The following TRDN variants were observed in gnomAD, a reference collection of about 807,000 sequenced individuals.
The protein encoded by TRDN is triadin in skeletal muscle.
A neutral mutation model predicts 149.7 loss-of-function variants in TRDN; 161 were observed. The ratio of observed to expected loss-of-function variants is 1.08; its 90% CI spans 0.95 to 1.23. The LOEUF is 1.23. TRDN is among the 50% of genes most tolerant of loss of function. The pLI is 0.00. For synonymous variants in TRDN, 294 were observed against 250.5 expected, an observed-to-expected ratio of 1.17 and a Z score of -1.64; for missense variants, 896 against 823.5, an observed-to-expected ratio of 1.09 and a Z score of -1.08.
At chr6:123,356,325 T>C (rs868684750) in intron 20 of TRDN, among the ~76,000 whole-genome samples, 12 of 151,514 alleles carry the variant, frequency 7.9e-5, no homozygotes, top group Middle Eastern at 3.4e-3. Context: ...GTATCTACTA[T>C]GATGAATATA....
intron 9 of TRDN, among the ~76,000 whole-genome samples, chr6:123,480,839 A>G (rs569993120): frequency 6.6e-6 from 1 of 152,110 alleles, no homozygotes; most frequent in Non-Finnish European, 1.5e-5. Flanking sequence ...AATGCCTCCT[A>G]TCTCCTATCT....
intron 15 of TRDN, among the ~76,000 whole-genome samples, chr6:123,381,849 G>A (rs1192029060): frequency 6.6e-6 from 1 of 151,650 alleles, no homozygotes; most frequent in Non-Finnish European, 1.5e-5. Flanking sequence ...TCAATTTCTT[G>A]TTAAGTAAAC....
intron 1 of TRDN, among the ~76,000 whole-genome samples, chr6:123,628,609 A>G (rs1447769082): frequency 6.6e-6 from 1 of 152,204 alleles, no homozygotes; most frequent in African/African-American, 2.4e-5. Flanking sequence ...TCTTTGAAAA[A>G]TGCAATATCT....
chr6:123,488,228 A>G (rs1267333605), intron 9 of TRDN, among the ~76,000 whole-genome samples: 1 of 152,150 alleles, frequency 6.6e-6, no homozygotes. Flanking sequence ...TTATCATTGC[A>G]CTATATAGAT....
intron 38 of TRDN, among the ~76,000 whole-genome samples, chr6:123,246,743 A>G (rs1347267486): frequency 2.0e-5 from 3 of 151,766 alleles, no homozygotes; most frequent in Non-Finnish European, 2.9e-5. Flanking sequence ...TTTATAAGGT[A>G]TAAGGCCAGC....
intron 1 of TRDN, among the ~76,000 whole-genome samples, chr6:123,584,636 G>A (rs1054375448): frequency 1.3e-5 from 2 of 152,068 alleles, no homozygotes; most frequent in Non-Finnish European, 2.9e-5. Context: ...CTTGACTGAA[G>A]TAATGGGGGC....
chr6:123,405,004 T>C (rs1002886601), intron 12 of TRDN, among the ~76,000 whole-genome samples: 8 of 152,212 alleles, frequency 5.3e-5, no homozygotes, highest in Admixed American at 1.3e-4. Context: ...GTGGTTCTCA[T>C]AATATTAATA....
At chr6:123,541,227 T>C (rs909994213) in intron 4 of TRDN, among the ~76,000 whole-genome samples, 11 of 152,196 alleles carry the variant, frequency 7.2e-5, no homozygotes, top group Admixed American at 2.6e-4. Flanking sequence ...CCTCAGAGAC[T>C]CTTTTAATTC....
intron 1 of TRDN, among the ~76,000 whole-genome samples, chr6:123,571,576 T>G (rs1422945097): frequency 3.9e-5 from 6 of 152,120 alleles, no homozygotes; most frequent in Non-Finnish European, 7.4e-5. Flanking sequence ...CTATATCCAG[T>G]ACCTCTTTTA....
In TRDN at chr6:123,272,980, AAC is replaced by A. The variant is rs1014146108; in HGVS notation, c.1654_1655del (p.Val552PhefsTer4). The A allele has an allele frequency of 1.3e-6, 2 of 1,531,222 alleles. No homozygotes were observed. Among genetic ancestry groups the A allele is most frequent in the East Asian group, 2.4e-5 (1 of 41,062 alleles). The allele number at this position is 1,531,222 out of a possible 1,614,324, so 94.9% of individuals were successfully genotyped here. On this transcript the variant is annotated frameshift_variant, in exon 29 of 41. Coordinates refer to ENST00000334268, the MANE Select transcript of TRDN (RefSeq NM_006073.4). LOFTEE classifies it high-confidence loss of function. ...GCAAAATACCTGGTTTACCATGAGA[AAC>A]AGTCTTTTCTGGTTTCACTATGTCT... ...KQDIVKPEKT[V>X]SHGKPEEKVL...
chr6:123,304,451 A>G (rs1778537476), intron 24 of TRDN, among the ~76,000 whole-genome samples: 1 of 151,540 alleles, frequency 6.6e-6, no homozygotes, highest in African/African-American at 2.4e-5. Context: ...ATGCAGTTTC[A>G]CCATGTTGGC....
intron 12 of TRDN, among the ~76,000 whole-genome samples, chr6:123,409,342 A>C (rs1773336533): frequency 6.6e-6 from 1 of 152,194 alleles, no homozygotes; most frequent in Non-Finnish European, 1.5e-5. Context: ...AGATTCTCAA[A>C]AGCAATATGG....
intron 12 of TRDN, among the ~76,000 whole-genome samples, chr6:123,396,989 T>C (rs1241095158): frequency 6.6e-6 from 1 of 151,942 alleles, no homozygotes; most frequent in Non-Finnish European, 1.5e-5. Flanking sequence ...TAAAGAATAA[T>C]AGTATTGCTG....
At chr6:123,355,511 C>G (rs967002465) in intron 20 of TRDN, among the ~76,000 whole-genome samples, 1 of 151,620 alleles carries the variant, frequency 6.6e-6, no homozygotes, top group Non-Finnish European at 1.5e-5. Context: ...CTTGATTACT[C>G]CTGTAGGTTT....
At chr6:123,561,060 T>C (rs1781966520) in intron 2 of TRDN, among the ~76,000 whole-genome samples, 2 of 152,076 alleles carry the variant, frequency 1.3e-5, no homozygotes, top group Admixed American at 6.6e-5. Context: ...CTAAAATAAC[T>C]CTTGGTCTAG....
intron 6 of TRDN, among the ~76,000 whole-genome samples, chr6:123,515,571 G>A (rs904656424): frequency 1.3e-5 from 2 of 151,452 alleles, no homozygotes; most frequent in Non-Finnish European, 2.9e-5. Context: ...AAATAACATG[G>A]ATTATCTGGA....
At chr6:123,405,924 C>T (rs561067346) in intron 12 of TRDN, among the ~76,000 whole-genome samples, 4 of 152,194 alleles carry the variant, frequency 2.6e-5, no homozygotes, top group East Asian at 1.9e-4. Flanking sequence ...GGAAGCTTAA[C>T]GATAGTCCCT....
chr6:123,541,798 C>T (rs1228038043), intron 4 of TRDN, among the ~76,000 whole-genome samples: 2 of 152,026 alleles, frequency 1.3e-5, no homozygotes, highest in African/African-American at 4.8e-5. Flanking sequence ...TTTTTTCATG[C>T]ACCGTATTTT....
chr6:123,352,576 T>C lies in TRDN; in HGVS notation c.1332A>G (p.Gly444=), dbSNP rs369858638. 1.2e-6 allele frequency: 2 copies of C among 1,611,426 alleles called. No homozygotes were observed. Among genetic ancestry groups the C allele is most frequent in the South Asian group, 1.1e-5 (1 of 90,876 alleles). The change falls in exon 21 of 41, where the codon GGA becomes GGG. Residue 444 remains glycine, a synonymous_variant. Transcript: ENST00000334268. ...GAVSIKKAVP[G]KKEEKTTKTV... ...TCTTGGTTGTTTTCTCTTCCTTCTT[T>C]CCAGGTACAGCTGCAAAACAAAGAT...
Sources: gnomAD v4.1 joint callset for allele counts (sites outside exome capture counted in the v4.1 genomes callset) on GRCh38, gnomAD v4.1.1 for gene constraint, MANE v1.5 for transcripts, NCBI Gene and HGNC (gene_info 2026-07-23, HGNC 2026-07-21) for gene names.